Variants in GREB1 observed in about 807,000 individuals in gnomAD.
GREB1 encodes growth regulating estrogen receptor binding 1.
In GREB1, 106 loss-of-function variants were observed where a neutral mutation model predicts 200.7. The ratio of observed to expected loss-of-function variants is 0.53; its 90% confidence interval spans 0.45 to 0.62. The LOEUF (loss-of-function observed/expected upper bound fraction) is 0.62. Ranked by LOEUF, GREB1 falls within the 20% of genes least tolerant of loss-of-function variation. GREB1 has a pLI of 0.00. For missense variants in GREB1, 2,243 were observed against 2,556.8 expected, an observed-to-expected ratio of 0.88 and a Z score of 2.65; for synonymous variants, 1,132 against 1,092.4, an observed-to-expected ratio of 1.04 and a Z score of -0.72.
Position 11,632,942 on chromosome 2 carries a change from C to G in GREB1, c.4870C>G (p.Arg1624Gly). ...GTCCTACCATAACCTGGAGCTCGAG[C>G]GGAACCGGCAGGAGGAGCTGGGAAT... ...ELSYHNLELE[R>G]NRQEELGIKP... The change falls in exon 28 of 33, where the codon CGG becomes GGG. Residue 1624 changes from arginine (R) to glycine (G), a missense_variant. Around this residue, in one of 3 missense-constraint regions of GREB1, gnomAD observed 478 missense variants for 616.3 expected, o/e 0.78. Coordinates refer to ENST00000381486, the MANE Select transcript of GREB1 (RefSeq NM_014668.4). 1 of 1,614,138 alleles carries G rather than the reference C, an allele frequency of 6.2e-7. No homozygotes were observed.
rs1572250443 is a variant in GREB1 at position 11,642,094 on chromosome 2, G to A, written c.*1640G>A. On this transcript the variant is annotated 3_prime_UTR_variant, in exon 33 of 33. Coordinates refer to ENST00000381486, the MANE Select transcript of GREB1 (RefSeq NM_014668.4). ...AACTTGAAGGAAAAGTTTAAAGACA[G>A]TTCAATTTAATCATCAGAATGCATT... The A allele has an allele frequency of 6.6e-6, 1 of 151,948 alleles. No homozygotes were observed. Among genetic ancestry groups the A allele is most frequent in the East Asian group, 1.9e-4 (1 of 5,168 alleles). 9.4% of individuals were successfully genotyped at this position (151,948 alleles called of 1,614,324 possible). A position where few individuals can be genotyped will look rare whatever the true frequency, so the allele number is the denominator to read the frequency against.
chr2:11,612,609 A>C lies in GREB1; in HGVS notation c.3121A>C (p.Arg1041=), dbSNP rs766151115. The C allele has an allele frequency of 6.3e-7, 1 of 1,591,738 alleles. No individual in the cohort carries two copies. The highest frequency in any genetic ancestry group is 1.3e-5 in the African/African-American group (1 of 74,404). Residue 1041 remains arginine, a splice_region_variant and synonymous_variant, in exon 19 of 33, where the codon AGG becomes CGG. Coordinates refer to ENST00000381486, the MANE Select transcript of GREB1 (RefSeq NM_014668.4). ...GMDPHGESLP[R]SLRYCDLRLI... ...GGACCCGCATGGGGAGTCCTTGCCG[A>C]GGTGAGTGGAGGGGTTATGCCCCTG...
Position 11,599,302 on chromosome 2 carries a change from T to A in GREB1, c.2333+442T>A, listed in dbSNP as rs944016080. 4.7e-5 allele frequency among the ~76,000 whole-genome samples: 7 copies of A among 149,870 alleles called. No homozygotes were observed. The South Asian group carries it at 1.3e-3, about 27-fold the overall frequency. ...GAAAGAGGCTCCGTGGGGGCTCTGG[T>A]ACCGTGGGTCACCACTGATGCCTGC... On this transcript the variant is annotated intron_variant, in intron 15 of 32. Coordinates refer to ENST00000381486, the MANE Select transcript of GREB1 (RefSeq NM_014668.4).
At chr2:11,491,700 A>ATTACT (rs1299609272) in intron 1 of GREB1, among the ~76,000 whole-genome samples, 8 of 152,236 alleles carry the variant, frequency 5.3e-5, no homozygotes, top group Non-Finnish European at 1.2e-4. Context: ...GGCATGTAGT[A>ATTACT]GGTCTTAAGT....
Position 11,600,990 on chromosome 2 carries a change from A to C in GREB1, c.2524A>C (p.Ser842Arg). 6.2e-7 allele frequency: 1 copy of C among 1,607,732 alleles called. No individual in the cohort carries two copies. Among genetic ancestry groups the C allele is most frequent in the Non-Finnish European group, 8.5e-7 (1 of 1,174,770 alleles). ...CGAGATCCACTGGCCTGCCTCCTGC[A>C]GTAATGTGAGTGCCACGGGGCTGCT... ...YNEIHWPASC[S>R]NGVDLYHENK... is the part of the protein sequence containing the mutation. Residue 842 changes from serine (S) to arginine (R), a missense_variant, in exon 16 of 33, where the codon AGT (serine) becomes CGT (arginine). Coordinates refer to ENST00000381486, the MANE Select transcript of GREB1 (RefSeq NM_014668.4).
chr2:11,598,032 A>C (rs1681425529), intron 14 of GREB1, 54 bp downstream of exon 14: 1 of 1,296,144 alleles, frequency 7.7e-7, no homozygotes, highest in Non-Finnish European at 1.1e-6. Context: ...ATCTGCCGAA[A>C]TCCATGTGTG....
At position 11,493,945 on chromosome 2, in the gene GREB1, T is replaced by C. The variant is rs1672823327; in HGVS notation, c.-159+11564T>C. ...GGTGTGTTTGGGGGCTTAGGAGAAATGAATCTGATGGAGAAAAGATGAAAG... is the reference window on the plus strand; with the variant it reads ...GGTGTGTTTGGGGGCTTAGGAGAAACGAATCTGATGGAGAAAAGATGAAAG... On this transcript the variant is annotated intron_variant, in intron 1 of 2. Coordinates refer to the GREB1 transcript ENST00000628795. This position sits in a 1 kb window ranked among gnomAD's most constrained non-coding sequence, Gnocchi z 4.6. 6.6e-6 allele frequency among the ~76,000 whole-genome samples: 1 copy of C among 152,172 alleles called. No homozygotes were observed. Among genetic ancestry groups the C allele is most frequent in the South Asian group, 2.1e-4 (1 of 4,818 alleles).
chr2:11,542,812 A>C, intron 1 of GREB1: 1 of 152,750 alleles, frequency 6.5e-6, no homozygotes. Context: ...AGCAGAAAAC[A>C]ACAAAGTGAG....
In GREB1 at chr2:11,629,256, G is replaced by A. The variant is rs1684695420; in HGVS notation, c.4450-692G>A. On this transcript the variant is annotated intron_variant, in intron 25 of 32. Transcript: ENST00000381486. The surrounding 1 kb of genome is among the most constrained non-coding windows in gnomAD (Gnocchi z 5.2). Reference sequence around the variant, plus strand: ...TGGGTCGGTGGGGTCGTAAGAGGACGTTCAAGCTGAGGGCAAAGCTGCGCT... The same window carrying A: ...TGGGTCGGTGGGGTCGTAAGAGGACATTCAAGCTGAGGGCAAAGCTGCGCT... Among the ~76,000 whole-genome samples, 2 of 152,236 alleles carry A rather than the reference G, an allele frequency of 1.3e-5. No individual in the cohort carries two copies. The highest frequency in any genetic ancestry group is 1.9e-4 in the East Asian group (1 of 5,138).
At chr2:11,576,313 A>C (rs377541941) in intron 4 of GREB1, 40 bp from the exon 5 acceptor site, 24 of 1,544,684 alleles carry the variant, frequency 1.6e-5, no homozygotes, top group Non-Finnish European at 2.1e-5. Flanking sequence ...ATCTCAAAAA[A>C]AAAAAAAGAA....
chr2:11,534,821 C>T (rs886081590), intron 1 of GREB1, among the ~76,000 whole-genome samples: 4 of 152,126 alleles, frequency 2.6e-5, no homozygotes, highest in African/African-American at 9.7e-5. Context: ...ATGTTTCCTT[C>T]CTTAAGTGCT....
At chr2:11,559,208 T>C (rs1431703054) in intron 2 of GREB1, among the ~76,000 whole-genome samples, 1 of 152,156 alleles carries the variant, frequency 6.6e-6, no homozygotes, top group Non-Finnish European at 1.5e-5. Context: ...TTATTAGGAT[T>C]CTAAGCTCCC....
intron 7 of GREB1, chr2:11,581,128 T>G (rs1679433624): frequency 8.3e-6 from 5 of 602,974 alleles, no homozygotes; most frequent in Non-Finnish European, 1.5e-5. Flanking sequence ...GGTAGAATTT[T>G]GGAGCAATAG....
Position 11,635,261 on chromosome 2 carries a change from C to T in GREB1, c.5211-9C>T. On this transcript the variant is annotated splice_polypyrimidine_tract_variant and intron_variant, in intron 29 of 32. Coordinates refer to ENST00000381486, the MANE Select transcript of GREB1 (RefSeq NM_014668.4). ...CCATCAGACCCACCCCTCCTCTGGC[C>T]CTGAGTAGGTTCCTGTGTGACGATG... The T allele has an allele frequency of 1.2e-6, 2 of 1,614,094 alleles. No individual in the cohort carries two copies. The highest frequency in any genetic ancestry group is 4.5e-5 in the East Asian group (2 of 44,878).
chr2:11,590,656 G>A (rs1230032311), intron 10 of GREB1, among the ~76,000 whole-genome samples: 3 of 152,132 alleles, frequency 2.0e-5, no homozygotes, highest in Non-Finnish European at 4.4e-5. Flanking sequence ...TAGGCACCAG[G>A]AATTAGGGTC....
intron 27 of GREB1, among the ~76,000 whole-genome samples, chr2:11,632,335 C>CTTTTTTTT (rs567209224): frequency 1.4e-4 from 16 of 112,182 alleles, no homozygotes; most frequent in Non-Finnish European, 2.2e-4. Context: ...TTCTTTCTCT[C>CTTTTTTTT]TTTTTTTTTT....
intron 15 of GREB1, 68 bp downstream of exon 15, chr2:11,598,928 C>T (rs1200604265): frequency 2.6e-5 from 34 of 1,332,474 alleles, no homozygotes; most frequent in Admixed American, 1.9e-4. Flanking sequence ...TGGATGTTCC[C>T]GGGGGCTGAG....
At chr2:11,568,403 G>A (rs973192852) in intron 4 of GREB1, among the ~76,000 whole-genome samples, 1 of 152,232 alleles carries the variant, frequency 6.6e-6, no homozygotes, top group African/African-American at 2.4e-5. Flanking sequence ...AGCACCACTA[G>A]ACAGTGATGA....
chr2:11,603,252 C>G (rs1681947804), intron 17 of GREB1, among the ~76,000 whole-genome samples: 1 of 152,228 alleles, frequency 6.6e-6, no homozygotes, highest in Non-Finnish European at 1.5e-5. Context: ...TATAGACGAT[C>G]TAATGCAAAG....
Sources: allele counts gnomAD v4.1 joint callset (sites outside exome capture counted in the v4.1 genomes callset), GRCh38; gene constraint gnomAD v4.1.1; regional missense constraint gnomAD v4.1.1; non-coding constraint Gnocchi (gnomAD v3.1); transcripts MANE v1.5; gene names NCBI Gene and HGNC (gene_info 2026-07-23, HGNC 2026-07-21).